TUBA1C: variants seen among roughly 807,000 people sequenced by gnomAD.
TUBA1C encodes tubulin alpha-1C chain.
Under a neutral mutation model 34.9 loss-of-function variants are expected in TUBA1C, and 16 were observed. The ratio of observed to expected loss-of-function variants is 0.46; its 90% CI spans 0.31 to 0.70. The LOEUF (loss-of-function observed/expected upper bound fraction) is 0.70. Among genes scored for constraint, TUBA1C ranks in the 30% least tolerant of loss-of-function variants. TUBA1C has a pLI of 0.05. For missense variants in TUBA1C, 329 were observed against 587.3 expected (o/e 0.56, Z 4.55); for synonymous variants, 177 against 215.9 (o/e 0.82, Z 1.58).
At chr12:49,254,040 G>A (rs1038321330) in intron 1 of TUBA1C, among the ~76,000 whole-genome samples, 2 of 152,094 alleles carry the variant, frequency 1.3e-5, no homozygotes, top group Non-Finnish European at 2.9e-5. Flanking sequence ...AGCCGGGTGC[G>A]GTGACTTACG....
chr12:49,265,139 C>T lies in TUBA1C; in HGVS notation c.-43C>T. 2 of 1,596,116 alleles carry T rather than the reference C, an allele frequency of 1.3e-6. No homozygotes were observed. The highest frequency in any genetic ancestry group is 1.7e-6 in the Non-Finnish European group (2 of 1,168,078). On this transcript the variant is annotated 5_prime_UTR_variant, in exon 1 of 4. Transcript: ENST00000301072. ...TTAGTGGGAGATCCTTGTTGCCGTC[C>T]CTTCGCCTCCTTCACCGCCGCAGAC...
chr12:49,243,586 C>T (rs1351754928), intron 1 of TUBA1C, among the ~76,000 whole-genome samples: 1 of 152,076 alleles, frequency 6.6e-6, no homozygotes, highest in African/African-American at 2.4e-5. Flanking sequence ...TAAGGGATAG[C>T]TTTTTGTTTT....
intron 1 of TUBA1C, among the ~76,000 whole-genome samples, chr12:49,239,079 C>G (rs539323302): frequency 6.6e-6 from 1 of 152,300 alleles, no homozygotes; most frequent in South Asian, 2.1e-4. Flanking sequence ...AACCGGATCC[C>G]CATCCACTGT....
Position 49,265,133 on chromosome 12 carries a change from G to A in TUBA1C, c.-49G>A. 1 of 1,592,030 alleles carries A rather than the reference G, an allele frequency of 6.3e-7. No individual in the cohort carries two copies. Among genetic ancestry groups the A allele is most frequent in the Non-Finnish European group, 8.6e-7 (1 of 1,165,638 alleles). On this transcript the variant is annotated 5_prime_UTR_variant, in exon 1 of 4. Transcript: ENST00000301072. ...AGTCTGTTAGTGGGAGATCCTTGTT[G>A]CCGTCCCTTCGCCTCCTTCACCGCC...
At position 49,231,682 on chromosome 12, in the gene TUBA1C, TGATA is replaced by T. The variant is rs202021700; in HGVS notation, c.213+3531_213+3534del. Among the ~76,000 whole-genome samples, 484 of 151,760 alleles carry T rather than the reference TGATA, an allele frequency of 3.2e-3. 2 individuals carry two copies. Among genetic ancestry groups the T allele is most frequent in the African/African-American group, 9.1e-3 (374 of 41,252 alleles). ...ACTTCTGCTACTTAAAAAAAATAGA[TGATA>T]GATAGATAGATAGACAGACAGACAG... is the stretch of plus-strand genomic sequence containing the variant. On this transcript the variant is annotated intron_variant, in intron 1 of 3. Transcript: ENST00000541364.
chr12:49,232,641 G>C (rs1356101123), intron 1 of TUBA1C: 1 of 152,148 alleles, frequency 6.6e-6, no homozygotes, highest in Non-Finnish European at 1.5e-5. Context: ...GTTTCTCAGA[G>C]AGCTCTCCCT....
intron 1 of TUBA1C, among the ~76,000 whole-genome samples, chr12:49,259,871 G>A (rs1403888000): frequency 6.6e-6 from 1 of 152,180 alleles, no homozygotes; most frequent in Non-Finnish European, 1.5e-5. Flanking sequence ...AGCAGGAGGA[G>A]GCAGGTGGAG....
intron 3 of TUBA1C, 73 bp from the exon 4 acceptor site, chr12:49,272,180 C>T: frequency 5.2e-6 from 8 of 1,536,188 alleles, no homozygotes; most frequent in Non-Finnish European, 7.0e-6. Flanking sequence ...TAGAAGTCCT[C>T]TGTAGGTTTC....
At chr12:49,259,218 T>C (rs1215376070) in intron 1 of TUBA1C, among the ~76,000 whole-genome samples, 2 of 152,092 alleles carry the variant, frequency 1.3e-5, no homozygotes, top group Non-Finnish European at 2.9e-5. Flanking sequence ...AAGTTTTCTA[T>C]GTTTAGATAC....
intron 1 of TUBA1C, among the ~76,000 whole-genome samples, chr12:49,230,751 G>T (rs909005643): frequency 6.6e-6 from 1 of 152,304 alleles, no homozygotes; most frequent in Admixed American, 6.5e-5. Flanking sequence ...TCAAAGCAGG[G>T]TGGTTAATAA....
At chr12:49,255,413 T>A (rs1235186139) in intron 1 of TUBA1C, among the ~76,000 whole-genome samples, 192 of 146,998 alleles carry the variant, frequency 1.3e-3, no homozygotes, top group African/African-American at 4.5e-3. Context: ...AAAATATATA[T>A]ATATATATAT....
chr12:49,253,619 T>C (rs1226809269), intron 1 of TUBA1C, among the ~76,000 whole-genome samples: 1 of 152,012 alleles, frequency 6.6e-6, no homozygotes, highest in Non-Finnish European at 1.5e-5. Context: ...ACTTGAGCTC[T>C]TGGGCTCAAG....
Position 49,273,150 on chromosome 12 carries a change from A to T in TUBA1C, c.1273A>T (p.Met425Leu). 1.9e-6 allele frequency: 3 copies of T among 1,614,216 alleles called. No homozygotes were observed. The highest frequency in any genetic ancestry group is 2.5e-6 in the Non-Finnish European group (3 of 1,180,030). The change falls in exon 4 of 4, where the codon ATG (methionine) becomes TTG (leucine). Residue 425 changes from methionine (M) to leucine (L), a missense_variant. Coordinates refer to ENST00000301072, the MANE Select transcript of TUBA1C (RefSeq NM_032704.5). ...CGAGTTTTCAGAGGCCCGTGAGGAC[A>T]TGGCTGCCCTTGAGAAGGATTATGA... The part of the protein sequence containing the change: ...EGEFSEARED[M>L]AALEKDYEEV...
upstream of TUBA1C, among the ~76,000 whole-genome samples, chr12:49,264,403 C>A (rs547167597): frequency 3.3e-5 from 5 of 152,202 alleles, no homozygotes; most frequent in Non-Finnish European, 7.3e-5. Flanking sequence ...GAGTTTAAGG[C>A]GCGTTCGTGG....
chr12:49,273,335 T>TGTC lies in TUBA1C; in HGVS notation c.*110_*112dup, dbSNP rs1943022074. The TGTC allele has an allele frequency of 4.4e-6, 7 of 1,593,574 alleles. No homozygotes were observed. The highest frequency in any genetic ancestry group is 6.0e-6 in the Non-Finnish European group (7 of 1,167,864). On this transcript the variant is annotated 3_prime_UTR_variant, in exon 4 of 4. Coordinates refer to ENST00000301072, the MANE Select transcript of TUBA1C (RefSeq NM_032704.5). ...ATAAAATTGAAGTTTCCATTTTAAA[T>TGTC]GTCGAGCTGACTTAAATACTTGATC...
At chr12:49,234,441 G>T (rs1942528361) in intron 1 of TUBA1C, among the ~76,000 whole-genome samples, 1 of 152,256 alleles carries the variant, frequency 6.6e-6, no homozygotes, top group African/African-American at 2.4e-5. Context: ...TAGGCTTCCA[G>T]GTTTCTCTGC....
chr12:49,239,646 GAAAA>G (rs879574051), intron 1 of TUBA1C, among the ~76,000 whole-genome samples: 2 of 116,098 alleles, frequency 1.7e-5, no homozygotes, highest in Non-Finnish European at 3.7e-5. Flanking sequence ...GTCTCAAAAA[GAAAA>G]AAAAAAAAAA....
At chr12:49,253,626 C>T (rs115353948) in intron 1 of TUBA1C, among the ~76,000 whole-genome samples, 1 of 152,126 alleles carries the variant, frequency 6.6e-6, no homozygotes. Flanking sequence ...CTCTTGGGCT[C>T]AAGCGATCCT....
chr12:49,234,432 A>T (rs1055635773), intron 1 of TUBA1C, among the ~76,000 whole-genome samples: 1 of 152,274 alleles, frequency 6.6e-6, no homozygotes, highest in Non-Finnish European at 1.5e-5. Flanking sequence ...AAACCAGAGT[A>T]GGCTTCCAGG....
Sources: allele counts gnomAD v4.1 joint callset (sites outside exome capture counted in the v4.1 genomes callset), GRCh38; gene constraint gnomAD v4.1.1; transcripts MANE v1.5; gene names NCBI Gene and HGNC (gene_info 2026-07-23, HGNC 2026-07-21).